Variants in DMD observed in about 807,000 individuals in gnomAD.
DMD encodes the protein dystrophin.
A neutral mutation model predicts 330.1 loss-of-function variants in DMD; 63 were observed. That is an observed-to-expected ratio of 0.19 (90% CI 0.16 to 0.24). The LOEUF (loss-of-function observed/expected upper bound fraction) is 0.24. Among genes scored for constraint, DMD ranks in the 10% least tolerant of loss-of-function variants. The pLI, the probability that DMD is intolerant of heterozygous loss-of-function variation, is 1.00. For missense variants in DMD, 3,344 were observed against 2,684.1 expected, an observed-to-expected ratio of 1.25 and a Z score of -5.43; for synonymous variants, 1,223 against 959.8, an observed-to-expected ratio of 1.27 and a Z score of -5.07.
chrX:31,865,428 G>A lies in DMD; in HGVS notation c.7098+9760C>T, dbSNP rs151074573. On this transcript the variant is annotated intron_variant, in intron 48 of 78. Coordinates refer to ENST00000357033, the MANE Select transcript of DMD (RefSeq NM_004006.3). Reference sequence around the variant, plus strand: ...ACTTTTTTCTAAAGGTCTCTTCCTTGTTCCTTACCTCCCGAACACCACTTT... The same window carrying A: ...ACTTTTTTCTAAAGGTCTCTTCCTTATTCCTTACCTCCCGAACACCACTTT... 6.3e-5 allele frequency among the ~76,000 whole-genome samples: 7 copies of A among 111,908 alleles called. No homozygotes were observed. The East Asian group carries it at 2.0e-3, about 31-fold the overall frequency.
intron 44 of DMD, among the ~76,000 whole-genome samples, chrX:32,040,706 C>T (rs73454049): frequency 0.021 from 2,358 of 111,397 alleles, 34 homozygotes; most frequent in African/African-American, 0.051. Context: ...CTTGAGGCCT[C>T]AGAGTGCAGC....
chrX:32,916,197 CCTT>C (rs1447926908), intron 2 of DMD, among the ~76,000 whole-genome samples: 1 of 111,142 alleles, frequency 9.0e-6, no homozygotes, highest in African/African-American at 3.3e-5. Flanking sequence ...TCATTGTCCT[CCTT>C]CTCTCCAAAA....
intron 55 of DMD, among the ~76,000 whole-genome samples, chrX:31,536,951 C>G (rs1374725099): frequency 9.0e-6 from 1 of 111,269 alleles, no homozygotes; most frequent in Non-Finnish European, 1.9e-5. Flanking sequence ...TCTTCTGCTA[C>G]TATGGCCCTT....
chrX:31,434,371 T>A, intron 60 of DMD, among the ~76,000 whole-genome samples: 1 of 105,854 alleles, frequency 9.4e-6, no homozygotes, highest in East Asian at 3.0e-4. Flanking sequence ...ATTGGGAGGG[T>A]GTCCTGATTG....
intron 5 of DMD, 36 bp downstream of exon 5, chrX:32,823,259 G>A: frequency 1.8e-6 from 2 of 1,095,725 alleles, no homozygotes; most frequent in Non-Finnish European, 2.5e-6. Flanking sequence ...CAAGATTAAT[G>A]TTACCCAAAA....
chrX:32,073,271 C>T (rs1257178545), intron 44 of DMD, among the ~76,000 whole-genome samples: 1 of 111,413 alleles, frequency 9.0e-6, no homozygotes, highest in African/African-American at 3.3e-5. Flanking sequence ...TGACTTAGGA[C>T]GGGGCATTAA....
chrX:32,462,277 T>C (rs61481840), intron 25 of DMD, among the ~76,000 whole-genome samples: 210 of 111,445 alleles, frequency 1.9e-3, no homozygotes, highest in African/African-American at 6.5e-3. Flanking sequence ...ACTAATAAAA[T>C]AGAACAAGTT....
intron 1 of DMD, among the ~76,000 whole-genome samples, chrX:33,337,100 T>A (rs897249080): frequency 1.8e-5 from 2 of 111,473 alleles, no homozygotes; most frequent in Non-Finnish European, 3.8e-5. Flanking sequence ...AGTTTGGGGA[T>A]TCCAGTGGCT....
intron 13 of DMD, among the ~76,000 whole-genome samples, chrX:32,580,331 G>A (rs761329668): frequency 1.1e-4 from 12 of 112,004 alleles, no homozygotes; most frequent in African/African-American, 3.9e-4. Flanking sequence ...CCCAACTTTT[G>A]TCTTAGAACC....
chrX:31,445,191 A>G (rs972569996), intron 59 of DMD, among the ~76,000 whole-genome samples: 1 of 111,957 alleles, frequency 8.9e-6, no homozygotes, highest in Non-Finnish European at 1.9e-5. Flanking sequence ...TAGGTGCCTA[A>G]TGCCATGATG....
chrX:33,235,158 T>C (rs2052453947), intron 1 of DMD, among the ~76,000 whole-genome samples: 1 of 111,854 alleles, frequency 8.9e-6, no homozygotes, highest in African/African-American at 3.3e-5. Context: ...AACAATGGCT[T>C]GGTCTTGTGT....
intron 2 of DMD, among the ~76,000 whole-genome samples, chrX:32,895,622 G>A (rs1603459739): frequency 9.0e-6 from 1 of 111,408 alleles, no homozygotes. Flanking sequence ...CCATTCCAAT[G>A]GGACATAGTT....
chrX:31,124,833 A>C (rs906459952), intron 78 of DMD, among the ~76,000 whole-genome samples: 1 of 111,774 alleles, frequency 8.9e-6, no homozygotes, highest in East Asian at 2.8e-4. Flanking sequence ...CTGGTGCTCT[A>C]TTTTTTAAAA....
chrX:31,678,778 T>C (rs763661951), intron 53 of DMD, among the ~76,000 whole-genome samples: 1 of 112,150 alleles, frequency 8.9e-6, no homozygotes, highest in Non-Finnish European at 1.9e-5. Flanking sequence ...TAAGCCCGAA[T>C]GGTTGACTTC....
intron 1 of DMD, among the ~76,000 whole-genome samples, chrX:33,150,376 C>T (rs1435971181): frequency 9.5e-6 from 1 of 105,235 alleles, no homozygotes; most frequent in Non-Finnish European, 1.9e-5. Context: ...CTCACTGCAA[C>T]CTCTGCCTTC....
At chrX:31,858,942 G>A (rs1022496110) in intron 48 of DMD, among the ~76,000 whole-genome samples, 2 of 111,777 alleles carry the variant, frequency 1.8e-5, no homozygotes, top group South Asian at 7.4e-4. Context: ...GGATAATCAC[G>A]CTTGTTTTTA....
chrX:32,249,000 A>T (rs113383907), intron 43 of DMD, among the ~76,000 whole-genome samples: 9,654 of 110,914 alleles, frequency 0.087, 467 homozygotes, highest in Admixed American at 0.14. Flanking sequence ...TTAACAAAGG[A>T]TGAATCTTTT....
At chrX:32,634,366 C>T (rs897660744) in intron 11 of DMD, among the ~76,000 whole-genome samples, 2 of 111,771 alleles carry the variant, frequency 1.8e-5, no homozygotes, top group Non-Finnish European at 3.8e-5. Context: ...AGCCAAAGTC[C>T]CCTTTACTCT....
chrX:31,559,555 G>A (rs1352189450), intron 55 of DMD, among the ~76,000 whole-genome samples: 1 of 75,716 alleles, frequency 1.3e-5, no homozygotes, highest in Non-Finnish European at 2.4e-5. Flanking sequence ...GCAGGAGAAT[G>A]GCGTGAACCC....
Sources: allele counts gnomAD v4.1 joint callset (sites outside exome capture counted in the v4.1 genomes callset), GRCh38; gene constraint gnomAD v4.1.1; transcripts MANE v1.5; gene names NCBI Gene and HGNC (gene_info 2026-07-23, HGNC 2026-07-21).